Variants in SPATA17 observed in about 807,000 individuals in gnomAD.
SPATA17 encodes the protein spermatogenesis associated 17.
In SPATA17, 53 loss-of-function variants were observed where a neutral mutation model predicts 62.2. The ratio of observed to expected loss-of-function variants is 0.85; its 90% CI spans 0.68 to 1.07. SPATA17 has a LOEUF of 1.07. Among genes scored for constraint, SPATA17 ranks in the 50% least tolerant of loss-of-function variants. SPATA17 has a pLI of 0.00. For synonymous variants in SPATA17, 146 were observed against 146.8 expected (o/e 0.99, Z 0.04); for missense variants, 466 against 425.5 (o/e 1.10, Z -0.84).
Position 217,782,249 on chromosome 1 carries a change from C to A in SPATA17, c.799C>A (p.Pro267Thr). Residue 267 changes from proline to threonine, a missense_variant, in exon 8 of 11, where the codon CCA becomes ACA. Transcript: ENST00000366933. ...PLEPTLRVAE[P>T]IDELKLAREE... ...GGAGCCAACGTTGCGGGTGGCAGAA[C>A]CAATCGATGAGTTAAAGTTGGCCAG... 6.2e-7 allele frequency: 1 copy of A among 1,612,688 alleles called. No homozygotes were observed. The highest frequency in any genetic ancestry group is 8.5e-7 in the Non-Finnish European group (1 of 1,179,264).
intron 9 of SPATA17, among the ~76,000 whole-genome samples, chr1:217,809,974 A>G (rs1674545420): frequency 6.6e-6 from 1 of 152,188 alleles, no homozygotes; most frequent in African/African-American, 2.4e-5. Flanking sequence ...TGTTGTTTTT[A>G]TACCATCTCA....
At chr1:217,705,777 T>C (rs1671720279) in intron 5 of SPATA17, among the ~76,000 whole-genome samples, 1 of 152,178 alleles carries the variant, frequency 6.6e-6, no homozygotes. Flanking sequence ...ATGGTTTTGT[T>C]GTCTTCTTCA....
At chr1:217,659,187 A>AACACACACAC (rs10546517) in intron 3 of SPATA17, among the ~76,000 whole-genome samples, 73 of 144,634 alleles carry the variant, frequency 5.0e-4, no homozygotes, top group African/African-American at 1.7e-3. Context: ...TGCCCATCAA[A>AACACACACAC]ACACACACAC....
intron 6 of SPATA17, among the ~76,000 whole-genome samples, chr1:217,773,077 T>G (rs1020175411): frequency 6.6e-6 from 1 of 152,148 alleles, no homozygotes; most frequent in African/African-American, 2.4e-5. Context: ...AATAGGATAT[T>G]GCATTTGGGA....
chr1:217,850,423 TG>T, intron 9 of SPATA17: 1 of 1,281,856 alleles, frequency 7.8e-7, no homozygotes, highest in Non-Finnish European at 1.1e-6. Flanking sequence ...TCTCAGACGC[TG>T]GACCAGGTAC....
chr1:217,808,964 A>G (rs1387353736), intron 9 of SPATA17, among the ~76,000 whole-genome samples: 1 of 152,162 alleles, frequency 6.6e-6, no homozygotes, highest in East Asian at 1.9e-4. Context: ...AAGGGAAAGC[A>G]TCATGGTGGT....
chr1:217,764,283 T>C (rs1673246848), intron 6 of SPATA17, among the ~76,000 whole-genome samples: 2 of 152,200 alleles, frequency 1.3e-5, no homozygotes, highest in African/African-American at 4.8e-5. Context: ...CTGATCCTTT[T>C]ACTATCTGTC....
chr1:217,712,002 A>G (rs912742958), intron 5 of SPATA17, among the ~76,000 whole-genome samples: 4 of 151,918 alleles, frequency 2.6e-5, no homozygotes, highest in African/African-American at 4.8e-5. Flanking sequence ...TTTTAGAGCA[A>G]CTAGTTTTTT....
At chr1:217,736,237 G>T (rs905074590) in intron 5 of SPATA17, among the ~76,000 whole-genome samples, 2 of 152,036 alleles carry the variant, frequency 1.3e-5, no homozygotes, top group African/African-American at 4.8e-5. Context: ...ACTTGTTTTT[G>T]CAGTCACTTC....
At chr1:217,845,163 T>G (rs958701486) in intron 9 of SPATA17, among the ~76,000 whole-genome samples, 1 of 152,166 alleles carries the variant, frequency 6.6e-6, no homozygotes, top group Non-Finnish European at 1.5e-5. Flanking sequence ...CACTTAACTT[T>G]TCTTTAGGTT....
At chr1:217,736,364 T>C (rs1672509553) in intron 5 of SPATA17, among the ~76,000 whole-genome samples, 1 of 152,208 alleles carries the variant, frequency 6.6e-6, no homozygotes, top group Non-Finnish European at 1.5e-5. Flanking sequence ...AGACATACTC[T>C]TTATTTTTAC....
At chr1:217,756,021 C>T (rs941866652) in intron 6 of SPATA17, among the ~76,000 whole-genome samples, 5 of 152,034 alleles carry the variant, frequency 3.3e-5, no homozygotes, top group Admixed American at 3.3e-4. Flanking sequence ...AGCTACCTCC[C>T]TCTAATGTAG....
rs756074000 is a variant in SPATA17, at chr1:217,801,985, AAAGATGGT to A, written c.1005+136_1005+143del. ...AACATTTTTTATAGCTGTTTTAGGT[AAAGATGGT>A]GCTGCTGACCTATGTAAGATTTTTT... On this transcript the variant is annotated intron_variant, in intron 9 of 10. Transcript: ENST00000366933. 142 of 941,874 alleles carry A rather than the reference AAAGATGGT, an allele frequency of 1.5e-4. 1 individual carries two copies. The highest frequency in any genetic ancestry group is 2.0e-4 in the Non-Finnish European group (132 of 655,776). The allele number at this position is 941,874 out of a possible 1,614,324, so 58.3% of individuals were successfully genotyped here.
chr1:217,786,806 T>A (rs1025252123), intron 8 of SPATA17, among the ~76,000 whole-genome samples: 2 of 151,214 alleles, frequency 1.3e-5, no homozygotes, highest in African/African-American at 4.9e-5. Flanking sequence ...TTCTTCTTCT[T>A]CTTCTTCCTC....
intron 2 of SPATA17, among the ~76,000 whole-genome samples, chr1:217,650,875 T>G (rs953422303): frequency 1.3e-5 from 2 of 152,220 alleles, no homozygotes; most frequent in African/African-American, 4.8e-5. Context: ...AAGTATTGTG[T>G]AATAATAAGC....
intron 3 of SPATA17, among the ~76,000 whole-genome samples, chr1:217,666,402 T>G (rs1435706109): frequency 6.6e-6 from 1 of 152,166 alleles, no homozygotes; most frequent in Middle Eastern, 3.2e-3. Context: ...AAAGGGTTAG[T>G]GTTAATATAA....
intron 9 of SPATA17, among the ~76,000 whole-genome samples, chr1:217,808,615 A>G (rs1674503093): frequency 6.6e-6 from 1 of 152,180 alleles, no homozygotes; most frequent in Non-Finnish European, 1.5e-5. Flanking sequence ...GCACTTTGGG[A>G]GGCCGAGGTG....
rs751177918 is a variant in SPATA17, at chr1:217,648,961, G to C, written c.148G>C (p.Ala50Pro). 2.5e-6 allele frequency: 4 copies of C among 1,608,164 alleles called. No individual in the cohort carries two copies. Among genetic ancestry groups the C allele is most frequent in the Non-Finnish European group, 3.4e-6 (4 of 1,177,256 alleles). ...QSWFRGCQVR[A>P]YIRHLNRIVT... Reference sequence around the variant, plus strand: ...CTGGTTTCGAGGATGTCAAGTTCGGGCATATATCAGGTATATTGCTTTTGT... The same window carrying C: ...CTGGTTTCGAGGATGTCAAGTTCGGCCATATATCAGGTATATTGCTTTTGT... The change falls in exon 2 of 11, where the codon GCA (alanine) becomes CCA (proline). Residue 50 changes from alanine (A) to proline (P), a missense_variant. Ala to Pro is a conservative substitution (Grantham distance 27). Coordinates refer to ENST00000366933, the MANE Select transcript of SPATA17 (RefSeq NM_138796.4).
At chr1:217,740,022 T>G (rs1051941069) in intron 5 of SPATA17, among the ~76,000 whole-genome samples, 2 of 151,990 alleles carry the variant, frequency 1.3e-5, no homozygotes, top group Non-Finnish European at 2.9e-5. Context: ...GTATACATAC[T>G]GTTTTTATTT....
Sources: allele counts gnomAD v4.1 joint callset (sites outside exome capture counted in the v4.1 genomes callset), GRCh38; gene constraint gnomAD v4.1.1; transcripts MANE v1.5; gene names NCBI Gene and HGNC (gene_info 2026-07-23, HGNC 2026-07-21).